Variants in TEX11 observed in about 807,000 individuals in gnomAD.
The protein encoded by TEX11 is testis-expressed protein 11.
In TEX11, 7 loss-of-function variants were observed where a neutral mutation model predicts 84.4. The observed-to-expected ratio is 0.08, with a 90% CI of 0.05 to 0.16. The LOEUF (loss-of-function observed/expected upper bound fraction) is 0.16, where lower values mean the gene tolerates loss of function less well. TEX11 is among the 10% of genes least tolerant of loss of function. The pLI, the probability that TEX11 is intolerant of heterozygous loss-of-function variation, is 1.00. For synonymous variants in TEX11, 264 were observed against 222.8 expected, an observed-to-expected ratio of 1.18 and a Z score of -1.64; for missense variants, 551 against 660.5, an observed-to-expected ratio of 0.83 and a Z score of 1.82.
intron 9 of TEX11, among the ~76,000 whole-genome samples, chrX:70,762,270 A>C (rs1354202468): frequency 8.9e-6 from 1 of 112,361 alleles, no homozygotes; most frequent in African/African-American, 3.2e-5. Flanking sequence ...ATATTATGAC[A>C]CTGTAACTGT....
intron 25 of TEX11, among the ~76,000 whole-genome samples, chrX:70,584,214 C>A (rs1277978364): frequency 9.5e-6 from 1 of 105,708 alleles, no homozygotes; most frequent in East Asian, 3.0e-4. Context: ...ACCCGGGAAG[C>A]GGAACTTGCA....
At position 70,718,706 on chromosome X, in the gene TEX11, G is replaced by A. The variant is rs759113572; in HGVS notation, c.1004+3912C>T. 4.5e-5 allele frequency among the ~76,000 whole-genome samples: 5 copies of A among 111,786 alleles called. No individual in the cohort carries two copies. In the South Asian group the frequency reaches 1.9e-3, roughly 42 times the overall value. Reference sequence around the variant, plus strand: ...TCAGAACTGAAGTATTTATTCCCCAGTTGCTCTTTAGGAATTCGCTAGGCT... The same window carrying A: ...TCAGAACTGAAGTATTTATTCCCCAATTGCTCTTTAGGAATTCGCTAGGCT... On this transcript the variant is annotated intron_variant, in intron 13 of 29. Coordinates refer to ENST00000374333, the MANE Select transcript of TEX11 (RefSeq NM_031276.3).
intron 8 of TEX11, among the ~76,000 whole-genome samples, chrX:70,817,936 GCAGA>G (rs2091298006): frequency 9.0e-6 from 1 of 111,138 alleles, no homozygotes; most frequent in Non-Finnish European, 1.9e-5. Context: ...CAGCAAGATG[GCAGA>G]CTAAGAGCTC....
At chrX:70,732,305 G>A (rs960922119) in intron 11 of TEX11, among the ~76,000 whole-genome samples, 2 of 111,477 alleles carry the variant, frequency 1.8e-5, no homozygotes, top group African/African-American at 6.5e-5. Context: ...TCTGGCCGGG[G>A]CAATCAGGCA....
chrX:70,829,481 C>CAAAAAAAAAAAAAA (rs60664977), intron 8 of TEX11, among the ~76,000 whole-genome samples: 1 of 72,929 alleles, frequency 1.4e-5, no homozygotes, highest in African/African-American at 6.6e-5. Context: ...CATTCCGTCT[C>CAAAAAAAAAAAAAA]AAAAAAAAAA....
chrX:70,899,802 T>C lies in TEX11; in HGVS notation c.37+7951A>G, dbSNP rs187954638. On this transcript the variant is annotated intron_variant, in intron 2 of 29. Coordinates refer to ENST00000374333, the MANE Select transcript of TEX11 (RefSeq NM_031276.3). ...GTGGTGGTGCATACCTATACGTTCA[T>C]GCCACTGCACTCCAGCCTGGGTGAC... is the stretch of plus-strand genomic sequence containing the variant. Among the ~76,000 whole-genome samples the C allele has an allele frequency of 8.1e-3, 710 of 87,533 alleles. 5 individuals carry two copies. The highest frequency in any genetic ancestry group is 0.011 in the Non-Finnish European group (520 of 46,668). 76.0% of individuals were successfully genotyped at this position (87,533 alleles called of 115,157 possible).
rs1378328804 is a variant in TEX11 at position 70,841,715 on chromosome X, G to A, written c.526-8122C>T. ...GAGCTGGTTTTTTGAAAAGATCAAC[G>A]AAATTGATAGACCGCTAGCAAGACT... On this transcript the variant is annotated intron_variant, in intron 7 of 29. Transcript: ENST00000374333. 9.9e-5 allele frequency among the ~76,000 whole-genome samples: 11 copies of A among 111,289 alleles called. No homozygotes were observed. In the South Asian group the frequency reaches 2.6e-3, roughly 27 times the overall value.
At chrX:70,648,157 G>C (rs1293250038) in intron 17 of TEX11, among the ~76,000 whole-genome samples, 1 of 111,081 alleles carries the variant, frequency 9.0e-6, no homozygotes, top group Admixed American at 9.6e-5. Context: ...GCAAACTATA[G>C]TAAGGACAAA....
intron 25 of TEX11, among the ~76,000 whole-genome samples, chrX:70,561,968 T>C (rs1024703523): frequency 1.8e-5 from 2 of 112,179 alleles, no homozygotes; most frequent in African/African-American, 6.5e-5. Flanking sequence ...CCAAGCTGTA[T>C]AGGAATATGC....
chrX:70,660,264 C>CT (rs1212831541), intron 16 of TEX11, among the ~76,000 whole-genome samples: 6 of 111,552 alleles, frequency 5.4e-5, no homozygotes, highest in Non-Finnish European at 7.5e-5. Context: ...ACAGTGTATA[C>CT]TTAGGCTACA....
At chrX:70,804,779 A>T (rs1330860330) in intron 9 of TEX11, among the ~76,000 whole-genome samples, 1 of 111,136 alleles carries the variant, frequency 9.0e-6, no homozygotes, top group East Asian at 2.8e-4. Flanking sequence ...GATAACAGAT[A>T]AGAAGTCAAA....
intron 25 of TEX11, 69 bp downstream of exon 25, chrX:70,591,682 A>G (rs561830639): frequency 6.8e-6 from 6 of 879,310 alleles, no homozygotes; most frequent in South Asian, 6.8e-5. Context: ...TTCTGGTGAC[A>G]AAAGACTTGT....
At chrX:70,680,802 C>G (rs1287939158) in intron 14 of TEX11, among the ~76,000 whole-genome samples, 4 of 111,753 alleles carry the variant, frequency 3.6e-5, no homozygotes, top group Non-Finnish European at 5.6e-5. Flanking sequence ...CCAGCCTACT[C>G]TCTTTTTAAC....
At chrX:70,881,057 G>T (rs917926237) in intron 2 of TEX11, among the ~76,000 whole-genome samples, 5 of 104,518 alleles carry the variant, frequency 4.8e-5, no homozygotes, top group Non-Finnish European at 7.8e-5. Context: ...ACCGGGCCCA[G>T]TGGCTCATGC....
chrX:70,674,649 A>G (rs1340852514), intron 15 of TEX11, among the ~76,000 whole-genome samples: 1 of 111,512 alleles, frequency 9.0e-6, no homozygotes, highest in Non-Finnish European at 1.9e-5. Context: ...GTCTCTCTAT[A>G]TTTTTCTGAT....
At chrX:70,639,939 GAGA>G (rs1222092611) in intron 17 of TEX11, among the ~76,000 whole-genome samples, 2 of 111,959 alleles carry the variant, frequency 1.8e-5, no homozygotes, top group South Asian at 3.8e-4. Flanking sequence ...GACGAGCTGA[GAGA>G]AGAAGACTTC....
chrX:70,649,060 T>C (rs2089781656), intron 17 of TEX11, among the ~76,000 whole-genome samples: 1 of 112,127 alleles, frequency 8.9e-6, no homozygotes, highest in Non-Finnish European at 1.9e-5. Flanking sequence ...TTCCTTTTTA[T>C]GGCTGCATAG....
intron 28 of TEX11, among the ~76,000 whole-genome samples, chrX:70,547,782 A>G (rs1416237603): frequency 8.9e-6 from 1 of 111,904 alleles, no homozygotes; most frequent in Non-Finnish European, 1.9e-5. Context: ...GGTGCTGGAG[A>G]AGATGTGGAG....
intron 3 of TEX11, among the ~76,000 whole-genome samples, chrX:70,878,665 G>A (rs192663756): frequency 2.8e-5 from 3 of 108,228 alleles, no homozygotes; most frequent in East Asian, 5.7e-4. Context: ...ACATGGCCCA[G>A]CAATTTCATT....
Sources: allele counts gnomAD v4.1 joint callset (sites outside exome capture counted in the v4.1 genomes callset), GRCh38; gene constraint gnomAD v4.1.1; transcripts MANE v1.5; gene names NCBI Gene and HGNC (gene_info 2026-07-23, HGNC 2026-07-21).